The following SLCO3A1 variants were observed in gnomAD, a reference collection of about 807,000 sequenced individuals.
SLCO3A1 encodes the protein solute carrier organic anion transporter family member 3A1, also known as PGE1 transporter.
In SLCO3A1, 27 loss-of-function variants were observed where a neutral mutation model predicts 63.1. The observed-to-expected ratio is 0.43, with a 90% CI of 0.32 to 0.59. The LOEUF (loss-of-function observed/expected upper bound fraction) is 0.59, where lower values mean the gene tolerates loss of function less well. SLCO3A1 is among the 20% of genes least tolerant of loss of function. SLCO3A1 has a pLI of 0.09. For missense variants in SLCO3A1, 773 were observed against 945.8 expected, an observed-to-expected ratio of 0.82 and a Z score of 2.40; for synonymous variants, 473 against 409.9, an observed-to-expected ratio of 1.15 and a Z score of -1.86.
chr15:92,170,221 T>TG (rs1259311603), downstream of SLCO3A1, among the ~76,000 whole-genome samples: 1 of 152,178 alleles, frequency 6.6e-6, no homozygotes, highest in Non-Finnish European at 1.5e-5. Flanking sequence ...TAAAATGAAT[T>TG]GGAAGCATAG....
At chr15:91,937,684 A>G (rs1038444770) in intron 2 of SLCO3A1, among the ~76,000 whole-genome samples, 4 of 146,858 alleles carry the variant, frequency 2.7e-5, no homozygotes, top group African/African-American at 1.0e-4. Context: ...ATGCTACTAC[A>G]CTCCAGCCCG....
chr15:92,133,322 A>G lies in SLCO3A1; in HGVS notation c.1512+4833A>G, dbSNP rs532147278. ...GCATCTAAGCTGACACTGAGTATTC[A>G]TCATTCAGTCTCTTTTTTCTTCTCA... On this transcript the variant is annotated intron_variant, in intron 7 of 9. Coordinates refer to ENST00000318445, the MANE Select transcript of SLCO3A1 (RefSeq NM_013272.4). Among the ~76,000 whole-genome samples, 17 of 146,424 alleles carry G rather than the reference A, an allele frequency of 1.2e-4. 3 individuals carry two copies. The highest frequency in any genetic ancestry group is 7.7e-5 in the Non-Finnish European group (5 of 65,314).
chr15:92,045,167 C>G (rs576197483), intron 2 of SLCO3A1, among the ~76,000 whole-genome samples: 46 of 151,818 alleles, frequency 3.0e-4, no homozygotes, highest in Admixed American at 2.6e-3. Flanking sequence ...GTAGTCCCAG[C>G]TACTCGGGAG....
downstream of SLCO3A1, among the ~76,000 whole-genome samples, chr15:92,168,673 G>A (rs2048506158): frequency 6.6e-6 from 1 of 152,160 alleles, no homozygotes; most frequent in South Asian, 2.1e-4. Flanking sequence ...CATAGGAAGG[G>A]ACCCTGAGCT....
At chr15:91,898,398 T>C (rs933847213) in intron 1 of SLCO3A1, among the ~76,000 whole-genome samples, 25 of 152,378 alleles carry the variant, frequency 1.6e-4, no homozygotes, top group Non-Finnish European at 2.9e-4. Flanking sequence ...CCAAACAATG[T>C]GTCTCTCTTG....
At position 92,150,946 on chromosome 15, in the gene SLCO3A1, G is replaced by A. The variant is rs200421503; in HGVS notation, c.1689-4G>A. ...TTTTTTTCTCTTCATCTCTTTGCAC[G>A]TAGGACAGTCAGCCCTGAACTCAAG... On this transcript the variant is annotated splice_region_variant and splice_polypyrimidine_tract_variant and intron_variant, in intron 8 of 9. Coordinates refer to ENST00000318445, the MANE Select transcript of SLCO3A1 (RefSeq NM_013272.4). 192 of 1,605,432 alleles carry A rather than the reference G, an allele frequency of 1.2e-4. 2 individuals carry two copies. In the South Asian group the frequency reaches 1.4e-3, roughly 12 times the overall value.
chr15:91,981,836 A>G (rs2045991387), intron 2 of SLCO3A1, among the ~76,000 whole-genome samples: 1 of 152,234 alleles, frequency 6.6e-6, no homozygotes, highest in South Asian at 2.1e-4. Context: ...GAGAACAGAC[A>G]CAGTGCCCAG....
At chr15:92,130,885 CAAAAAAAA>C (rs993611856) in intron 7 of SLCO3A1, among the ~76,000 whole-genome samples, 5 of 21,802 alleles carry the variant, frequency 2.3e-4, no homozygotes, top group African/African-American at 5.3e-4. Context: ...AAGTTCGGGG[CAAAAAAAA>C]AAAAAAAAAA....
In SLCO3A1 at chr15:92,147,375, C is replaced by A. The variant is rs2048241472; in HGVS notation, c.1688+216C>A. Among the ~76,000 whole-genome samples the A allele has an allele frequency of 2.0e-5, 3 of 152,030 alleles. No homozygotes were observed. The South Asian group carries it at 6.3e-4, about 32-fold the overall frequency. ...AGGCAGGGCATGGGGGAGAAGACAG[C>A]ACTTTCATGTTCTCCCAGAAATAGA... On this transcript the variant is annotated intron_variant, in intron 8 of 9. Transcript: ENST00000318445.
intron 2 of SLCO3A1, among the ~76,000 whole-genome samples, chr15:92,081,331 A>C: frequency 6.7e-6 from 1 of 149,154 alleles, no homozygotes; most frequent in Non-Finnish European, 1.5e-5. Flanking sequence ...TGCTGGTACC[A>C]CTAGTGGTGC....
intron 2 of SLCO3A1, among the ~76,000 whole-genome samples, chr15:91,996,674 G>A (rs1174019214): frequency 6.6e-6 from 1 of 152,102 alleles, no homozygotes; most frequent in Admixed American, 6.5e-5. Flanking sequence ...ACTGCCTAAT[G>A]TGCTCAAAAA....
At chr15:91,974,665 A>C (rs146017225) in intron 2 of SLCO3A1, among the ~76,000 whole-genome samples, 65 of 152,066 alleles carry the variant, frequency 4.3e-4, no homozygotes, top group African/African-American at 1.5e-3. Flanking sequence ...GGGAGCAGAG[A>C]ATTGGGTGCC....
intron 2 of SLCO3A1, among the ~76,000 whole-genome samples, chr15:92,023,012 G>T (rs568531253): frequency 6.6e-6 from 1 of 152,186 alleles, no homozygotes; most frequent in African/African-American, 2.4e-5. Context: ...TGAGTGGATG[G>T]TTATGCCAGC....
At chr15:91,922,049 T>C (rs921036577) in intron 2 of SLCO3A1, among the ~76,000 whole-genome samples, 9 of 152,200 alleles carry the variant, frequency 5.9e-5, no homozygotes, top group Non-Finnish European at 7.4e-5. Context: ...TTTCTCCAGT[T>C]TTATATGTGC....
intron 1 of SLCO3A1, among the ~76,000 whole-genome samples, chr15:91,891,376 A>G (rs538168655): frequency 1.1e-4 from 16 of 152,292 alleles, no homozygotes; most frequent in Admixed American, 1.0e-3. Context: ...AGCAGATAAA[A>G]AGACCAATTC....
intron 7 of SLCO3A1, among the ~76,000 whole-genome samples, chr15:92,138,290 T>A (rs1158392667): frequency 1.2e-5 from 1 of 85,378 alleles, no homozygotes; most frequent in Non-Finnish European, 2.1e-5. Flanking sequence ...GTTGTAGATA[T>A]GTGGCGTTAT....
intron 2 of SLCO3A1, among the ~76,000 whole-genome samples, chr15:92,011,886 AC>A (rs1413685156): frequency 6.6e-6 from 1 of 152,212 alleles, no homozygotes; most frequent in Non-Finnish European, 1.5e-5. Flanking sequence ...ACATCAGGGA[AC>A]CTCTCAATTT....
chr15:92,002,975 G>C (rs995608016), intron 2 of SLCO3A1, among the ~76,000 whole-genome samples: 2 of 152,178 alleles, frequency 1.3e-5, no homozygotes, highest in Admixed American at 1.3e-4. Context: ...CAGTAGAGAT[G>C]AGGTTGATTG....
rs546751164 is a variant in SLCO3A1, at chr15:91,967,651, G to A, written c.646+51193G>A. On this transcript the variant is annotated intron_variant, in intron 2 of 9. Transcript: ENST00000318445. The surrounding 1 kb of genome is among the most constrained non-coding windows in gnomAD (Gnocchi z 4.4). ...AACCCGTTTTACAGATGGATTAATT[G>A]TTTTGTCCTTGTTCTGTTGACTTCC... Among the ~76,000 whole-genome samples the A allele has an allele frequency of 1.6e-4, 25 of 152,326 alleles. No individual in the cohort carries two copies. The highest frequency in any genetic ancestry group is 5.8e-4 in the African/African-American group (24 of 41,574).
Sources: gnomAD v4.1 joint callset for allele counts (sites outside exome capture counted in the v4.1 genomes callset) on GRCh38, gnomAD v4.1.1 for gene constraint, Gnocchi (gnomAD v3.1) non-coding constraint, MANE v1.5 for transcripts, NCBI Gene and HGNC (gene_info 2026-07-23, HGNC 2026-07-21) for gene names.